The following IRAG1 variants were observed in gnomAD, a reference collection of about 807,000 sequenced individuals.
IRAG1 encodes inositol 1,4,5-triphosphate receptor associated 1, also known as IP3R-associated cGMP kinase substrate.
Under a neutral mutation model 106.2 loss-of-function variants are expected in IRAG1, and 62 were observed. That is an observed-to-expected ratio of 0.58 (90% CI 0.48 to 0.72). The LOEUF (loss-of-function observed/expected upper bound fraction) is 0.72, where lower values mean the gene tolerates loss of function less well. IRAG1 is among the 30% of genes least tolerant of loss of function. The pLI is 0.00. For missense variants in IRAG1, 1,064 were observed against 1,140.7 expected, an observed-to-expected ratio of 0.93 and a Z score of 0.97; for synonymous variants, 462 against 443.9, an observed-to-expected ratio of 1.04 and a Z score of -0.51.
intron 1 of IRAG1, among the ~76,000 whole-genome samples, chr11:10,663,500 A>G (rs1043985216): frequency 2.0e-5 from 3 of 152,108 alleles, no homozygotes; most frequent in Non-Finnish European, 4.4e-5. Context: ...AGTGCTTCCT[A>G]TGTGTTAGGT....
intron 11 of IRAG1, among the ~76,000 whole-genome samples, chr11:10,609,448 T>C (rs1854757600): frequency 2.0e-5 from 3 of 152,222 alleles, no homozygotes; most frequent in Admixed American, 6.5e-5. Context: ...CCATGTCTCC[T>C]GGCTCAAAGC....
At chr11:10,635,218 T>G (rs1857059395) in intron 2 of IRAG1, among the ~76,000 whole-genome samples, 1 of 152,052 alleles carries the variant, frequency 6.6e-6, no homozygotes, top group Non-Finnish European at 1.5e-5. Flanking sequence ...TCTCCTGGGG[T>G]TTTCTCTTAG....
chr11:10,648,526 A>G (rs4909943), intron 2 of IRAG1, among the ~76,000 whole-genome samples: 41,664 of 152,010 alleles, frequency 0.27, 6,980 homozygotes, highest in East Asian at 0.78. Context: ...CGGAGCTTAG[A>G]TGTGACCTGG....
Position 10,576,586 on chromosome 11 carries a change from A to T in IRAG1, c.2496-11T>A. On this transcript the variant is annotated splice_polypyrimidine_tract_variant and intron_variant, in intron 20 of 20. Coordinates refer to ENST00000423302, the MANE Select transcript of IRAG1 (RefSeq NM_130385.4). ...AATTCTTCAAGTTTGCTGTCAATGA[A>T]AAAAAATATGCAGAGGCTTTAGTAT... 6.2e-7 allele frequency: 1 copy of T among 1,613,866 alleles called. No individual in the cohort carries two copies. Among genetic ancestry groups the T allele is most frequent in the Non-Finnish European group, 8.5e-7 (1 of 1,179,826 alleles).
In IRAG1 at chr11:10,629,969, A is replaced by G. The variant is rs1856561745; in HGVS notation, c.401-258T>C. 6 of 412,538 alleles carry G rather than the reference A, an allele frequency of 1.5e-5. No homozygotes were observed. In the South Asian group the frequency reaches 2.8e-4, roughly 19 times the overall value. The allele number at this position is 412,538 out of a possible 1,614,324, so 25.6% of individuals were successfully genotyped here. On this transcript the variant is annotated intron_variant, in intron 4 of 20. Coordinates refer to ENST00000423302, the MANE Select transcript of IRAG1 (RefSeq NM_130385.4). ...TCTCAGGTTCCCAGAATTTTCCTAA[A>G]CTCTGTCAGGAAGGGAAGGCCACCC...
rs540805405 is a variant in IRAG1 at position 10,690,930 on chromosome 11, G to C, written c.67+2606C>G. Among the ~76,000 whole-genome samples, 23 of 152,312 alleles carry C rather than the reference G, an allele frequency of 1.5e-4. No homozygotes were observed. The South Asian group carries it at 4.6e-3, about 30-fold the overall frequency. On this transcript the variant is annotated intron_variant, in intron 1 of 20. Transcript: ENST00000423302. ...CTCAGCTCCCCAAGGGGCAGGGGCAGGGCCAGAGTCTGGGGGCCCCAAGCT... is the reference window on the plus strand; with the variant it reads ...CTCAGCTCCCCAAGGGGCAGGGGCACGGCCAGAGTCTGGGGGCCCCAAGCT...
At chr11:10,654,974 T>A (rs1479930521) in intron 1 of IRAG1, among the ~76,000 whole-genome samples, 1 of 152,172 alleles carries the variant, frequency 6.6e-6, no homozygotes, top group Non-Finnish European at 1.5e-5. Context: ...CACCCAAAGG[T>A]GAGCTCTGTG....
intron 18 of IRAG1, among the ~76,000 whole-genome samples, chr11:10,587,312 T>C (rs1397744617): frequency 6.6e-6 from 1 of 152,206 alleles, no homozygotes; most frequent in African/African-American, 2.4e-5. Context: ...CTACTATCCT[T>C]TGTGATCGGC....
At chr11:10,578,327 T>C (rs1339585934) in intron 20 of IRAG1, among the ~76,000 whole-genome samples, 1 of 152,252 alleles carries the variant, frequency 6.6e-6, no homozygotes. Context: ...TTTTATCTTG[T>C]CCCTTATGAG....
chr11:10,669,908 A>G (rs757337634), intron 1 of IRAG1, among the ~76,000 whole-genome samples: 5 of 152,258 alleles, frequency 3.3e-5, no homozygotes, highest in Non-Finnish European at 7.3e-5. Flanking sequence ...CCAGATGGCA[A>G]TAAAAACACT....
chr11:10,673,794 C>T (rs746940993), intron 1 of IRAG1, among the ~76,000 whole-genome samples: 1 of 151,854 alleles, frequency 6.6e-6, no homozygotes, highest in Non-Finnish European at 1.5e-5. Context: ...AAATTAAGCT[C>T]GATGATTTAT....
chr11:10,636,116 A>G (rs191829303), intron 2 of IRAG1, among the ~76,000 whole-genome samples: 3 of 152,352 alleles, frequency 2.0e-5, no homozygotes, highest in Non-Finnish European at 4.4e-5. Flanking sequence ...TCTATGATCC[A>G]TGATTATAAA....
intron 18 of IRAG1, among the ~76,000 whole-genome samples, chr11:10,583,023 C>T (rs1201655044): frequency 6.6e-6 from 1 of 152,180 alleles, no homozygotes; most frequent in African/African-American, 2.4e-5. Context: ...ACAAAAGGTG[C>T]TGAGTTGTTT....
At position 10,576,473 on chromosome 11, in the gene IRAG1, A is replaced by G. The variant is rs1260682614; in HGVS notation, c.2598T>C (p.Thr866=). 2.5e-6 allele frequency: 4 copies of G among 1,614,022 alleles called. No homozygotes were observed. The highest frequency in any genetic ancestry group is 3.3e-5 in the Admixed American group (2 of 60,028). The change falls in exon 21 of 21, where the codon ACT becomes ACC. Residue 866 remains threonine (T), a synonymous_variant. Coordinates refer to ENST00000423302, the MANE Select transcript of IRAG1 (RefSeq NM_130385.4). ...WMMAAVMLVL[T]VVLGLYNSYN... is the part of the protein sequence containing the mutation. Reference sequence around the variant, plus strand: ...AGGAATTGTAGAGCCCCAGCACAACAGTCAAGACCAGCATCACTGCAGCCA... The same window carrying G: ...AGGAATTGTAGAGCCCCAGCACAACGGTCAAGACCAGCATCACTGCAGCCA...
intron 1 of IRAG1, among the ~76,000 whole-genome samples, chr11:10,683,697 A>G (rs1861442516): frequency 6.6e-6 from 1 of 152,204 alleles, no homozygotes; most frequent in Non-Finnish European, 1.5e-5. Context: ...CCCTTGCTCC[A>G]GCACCACATC....
At chr11:10,596,025 T>C (rs1216951249) in intron 15 of IRAG1, among the ~76,000 whole-genome samples, 1 of 152,208 alleles carries the variant, frequency 6.6e-6, no homozygotes, top group African/African-American at 2.4e-5. Context: ...AAAGAGGTGA[T>C]CTCATTCTTT....
At chr11:10,678,620 T>C (rs1175672749) in intron 1 of IRAG1, among the ~76,000 whole-genome samples, 1 of 152,142 alleles carries the variant, frequency 6.6e-6, no homozygotes, top group African/African-American at 2.4e-5. Flanking sequence ...CGGCCCTCTC[T>C]CAATTTGCCT....
Position 10,672,094 on chromosome 11 carries a change from G to A in IRAG1, c.68-19912C>T, listed in dbSNP as rs535940654. On this transcript the variant is annotated intron_variant, in intron 1 of 20. Transcript: ENST00000423302. ...TTCAACAAGGATGCCAAGACAATTC[G>A]ATGGGGAAAGAAGTCTTTTCAACAA... Among the ~76,000 whole-genome samples the A allele has an allele frequency of 2.8e-4, 42 of 152,314 alleles. No individual in the cohort carries two copies. In the South Asian group the frequency reaches 7.2e-3, roughly 26 times the overall value.
intron 15 of IRAG1, among the ~76,000 whole-genome samples, chr11:10,596,382 T>C (rs1853313178): frequency 6.6e-6 from 1 of 152,246 alleles, no homozygotes; most frequent in Admixed American, 6.5e-5. Context: ...TCTTCTATTA[T>C]TGCCATTGAG....
Sources: gnomAD v4.1 joint callset for allele counts (sites outside exome capture counted in the v4.1 genomes callset) on GRCh38, gnomAD v4.1.1 for gene constraint, MANE v1.5 for transcripts, NCBI Gene and HGNC (gene_info 2026-07-23, HGNC 2026-07-21) for gene names.